RYR2: variants seen among roughly 807,000 people sequenced by gnomAD.
RYR2 encodes cardiac muscle ryanodine receptor-calcium release channel.
Under a neutral mutation model 601.1 loss-of-function variants are expected in RYR2, and 227 were observed. The observed-to-expected ratio is 0.38, with a 90% CI of 0.34 to 0.42. The LOEUF (loss-of-function observed/expected upper bound fraction) is 0.42. Among genes scored for constraint, RYR2 ranks in the 10% least tolerant of loss-of-function variants. The probability of loss-of-function intolerance (pLI) is 1.00; values close to 1 mark genes in which losing one functional copy is unlikely to be tolerated. For synonymous variants in RYR2, 2,223 were observed against 2,175.1 expected, an observed-to-expected ratio of 1.02 and a Z score of -0.61; for missense variants, 4,646 against 6,156.5, an observed-to-expected ratio of 0.75 and a Z score of 8.21.
intron 76 of RYR2, among the ~76,000 whole-genome samples, chr1:237,728,229 T>A (rs924363543): frequency 6.6e-6 from 1 of 152,108 alleles, no homozygotes; most frequent in Non-Finnish European, 1.5e-5. Flanking sequence ...AGAGGAAACA[T>A]CATACTTTTC....
At chr1:237,348,944 A>G (rs933832960) in intron 3 of RYR2, among the ~76,000 whole-genome samples, 3 of 152,226 alleles carry the variant, frequency 2.0e-5, no homozygotes, top group Non-Finnish European at 4.4e-5. Context: ...TGAAAAATAG[A>G]TTAGTTGAAA....
chr1:237,723,091 C>T (rs1263346940), intron 73 of RYR2, 37 bp from the exon 74 acceptor site: 42 of 1,573,604 alleles, frequency 2.7e-5, no homozygotes, highest in Non-Finnish European at 3.5e-5. Flanking sequence ...TTTTAGATTC[C>T]CATCTTCCCA....
At chr1:237,333,587 A>G (rs139994377) in intron 3 of RYR2, 1 of 455,854 alleles carries the variant, frequency 2.2e-6, no homozygotes, top group African/African-American at 2.0e-5. Context: ...TTTCCACTTA[A>G]CCATTTTATT....
chr1:237,733,003 C>G (rs764786508), intron 78 of RYR2, among the ~76,000 whole-genome samples: 6 of 152,102 alleles, frequency 3.9e-5, no homozygotes, highest in African/African-American at 1.4e-4. Context: ...TGTGATCTAT[C>G]CTTTCTCTCA....
At chr1:237,260,804 C>T (rs1275139152) in intron 1 of RYR2, among the ~76,000 whole-genome samples, 2 of 152,140 alleles carry the variant, frequency 1.3e-5, no homozygotes, top group African/African-American at 4.8e-5. Flanking sequence ...GGGAGTTTGT[C>T]ATGTTTGGAC....
chr1:237,556,340 C>T (rs1670876582), intron 27 of RYR2, among the ~76,000 whole-genome samples: 1 of 150,738 alleles, frequency 6.6e-6, no homozygotes, highest in African/African-American at 2.4e-5. Flanking sequence ...CGCTCTGTCC[C>T]CCAGGCTGGA....
At chr1:237,709,188 T>C (rs1688621837) in intron 69 of RYR2, 90 bp downstream of exon 69, 1 of 1,225,954 alleles carries the variant, frequency 8.2e-7, no homozygotes, top group South Asian at 1.7e-5. Context: ...CATTCACTAT[T>C]TTGCCATGAG....
chr1:237,100,013 G>A (rs1667910583), intron 1 of RYR2, among the ~76,000 whole-genome samples: 1 of 152,136 alleles, frequency 6.6e-6, no homozygotes, highest in South Asian at 2.1e-4. Context: ...CAGCTCCTGG[G>A]GCTAAGGTAA....
At chr1:237,664,105 C>A (rs1684062339) in intron 56 of RYR2, among the ~76,000 whole-genome samples, 1 of 152,168 alleles carries the variant, frequency 6.6e-6, no homozygotes, top group East Asian at 1.9e-4. Context: ...TACCTTGTAT[C>A]TGTTTTTCAG....
At chr1:237,619,732 G>T (rs966667722) in intron 38 of RYR2, among the ~76,000 whole-genome samples, 1 of 151,928 alleles carries the variant, frequency 6.6e-6, no homozygotes, top group African/African-American at 2.4e-5. Context: ...CTACCTACAG[G>T]GGGAGAAACA....
At chr1:237,452,570 C>G (rs1658328957) in intron 14 of RYR2, among the ~76,000 whole-genome samples, 1 of 145,596 alleles carries the variant, frequency 6.9e-6, no homozygotes. Flanking sequence ...TTTATATACA[C>G]TATATATGTT....
chr1:237,240,722 C>T (rs1006899073), intron 1 of RYR2, among the ~76,000 whole-genome samples: 12 of 140,682 alleles, frequency 8.5e-5, no homozygotes, highest in Admixed American at 8.1e-4. Context: ...AGAGGATGCT[C>T]ACATTGTTTG....
intron 1 of RYR2, among the ~76,000 whole-genome samples, chr1:237,247,095 T>A (rs1000529356): frequency 4.8e-4 from 73 of 152,316 alleles, no homozygotes; most frequent in African/African-American, 1.7e-3. Context: ...GTCATCTGCT[T>A]CTCATTTTAA....
At position 237,042,391 on chromosome 1, in the gene RYR2, G is replaced by C; in HGVS notation, c.-131G>C. On this transcript the variant is annotated 5_prime_UTR_variant, in exon 1 of 105. Coordinates refer to ENST00000366574, the MANE Select transcript of RYR2 (RefSeq NM_001035.3). Reference sequence around the variant, plus strand: ...TGCAGGCGGGGACCGCCCGGCGCTCGGCACCCGGCAGCGCGGCCCCCTCCA... The same window carrying C: ...TGCAGGCGGGGACCGCCCGGCGCTCCGCACCCGGCAGCGCGGCCCCCTCCA... The C allele has an allele frequency of 8.7e-6, 8 of 916,160 alleles. No homozygotes were observed. The highest frequency in any genetic ancestry group is 9.8e-6 in the Non-Finnish European group (7 of 715,666). The allele number at this position is 916,160 out of a possible 1,614,324, so 56.8% of individuals were successfully genotyped here. A position where few individuals can be genotyped will look rare whatever the true frequency, so the allele number is the denominator to read the frequency against.
At chr1:237,696,148 C>T (rs1392693608) in intron 63 of RYR2, among the ~76,000 whole-genome samples, 1 of 152,168 alleles carries the variant, frequency 6.6e-6, no homozygotes, top group Admixed American at 6.5e-5. Context: ...CTGGCCACCC[C>T]TCATGGAAAA....
chr1:237,107,335 C>A (rs891390630), intron 1 of RYR2, among the ~76,000 whole-genome samples: 19 of 151,242 alleles, frequency 1.3e-4, no homozygotes, highest in Non-Finnish European at 2.2e-4. Flanking sequence ...TCCTGGCTAA[C>A]ACGGTGAAAC....
chr1:237,186,146 T>C (rs1679315588), intron 1 of RYR2, among the ~76,000 whole-genome samples: 1 of 152,188 alleles, frequency 6.6e-6, no homozygotes, highest in Non-Finnish European at 1.5e-5. Flanking sequence ...GAAGATGGGA[T>C]ATTGCCTTGC....
chr1:237,475,400 A>G (rs1190963143), intron 17 of RYR2, among the ~76,000 whole-genome samples: 1 of 152,208 alleles, frequency 6.6e-6, no homozygotes, highest in Non-Finnish European at 1.5e-5. Flanking sequence ...AGGCTTTCAT[A>G]GGCTTTCTCT....
intron 68 of RYR2, among the ~76,000 whole-genome samples, chr1:237,708,185 T>C (rs1228871461): frequency 6.6e-6 from 1 of 152,140 alleles, no homozygotes; most frequent in African/African-American, 2.4e-5. Flanking sequence ...CAGAATGTTA[T>C]ATGTATAATA....
Sources: allele counts gnomAD v4.1 joint callset (sites outside exome capture counted in the v4.1 genomes callset), GRCh38; gene constraint gnomAD v4.1.1; transcripts MANE v1.5; gene names NCBI Gene and HGNC (gene_info 2026-07-23, HGNC 2026-07-21).